Variants in IL13RA1 observed in about 807,000 individuals in gnomAD.
IL13RA1 encodes interleukin-13 receptor subunit alpha-1.
Under a neutral mutation model 33.8 loss-of-function variants are expected in IL13RA1, and 14 were observed. The ratio of observed to expected loss-of-function variants is 0.41; its 90% CI spans 0.27 to 0.65. The LOEUF (loss-of-function observed/expected upper bound fraction) is 0.65. IL13RA1 is among the 30% of genes least tolerant of loss of function. The pLI, the probability that IL13RA1 is intolerant of heterozygous loss-of-function variation, is 0.28. For missense variants in IL13RA1, 313 were observed against 327.0 expected (o/e 0.96, Z 0.33); for synonymous variants, 116 against 115.7 (o/e 1.00, Z -0.02).
intron 8 of IL13RA1, among the ~76,000 whole-genome samples, chrX:118,773,336 C>G (rs1223072187): frequency 3.6e-5 from 4 of 111,433 alleles, no homozygotes; most frequent in African/African-American, 1.3e-4. Flanking sequence ...ACTAAAAATA[C>G]AAAAATTAAC....
At chrX:118,762,665 G>A (rs2017602100) in intron 6 of IL13RA1, among the ~76,000 whole-genome samples, 1 of 111,362 alleles carries the variant, frequency 9.0e-6, no homozygotes, top group Admixed American at 9.6e-5. Flanking sequence ...CAGAAATTAA[G>A]TGCCCCATGA....
chrX:118,734,276 CAG>C (rs1026753919), intron 1 of IL13RA1, among the ~76,000 whole-genome samples: 1 of 112,075 alleles, frequency 8.9e-6, no homozygotes, highest in African/African-American at 3.2e-5. Context: ...CATCTACAAA[CAG>C]AGATAATTTT....
chrX:118,757,321 C>G (rs1396919856), intron 4 of IL13RA1, among the ~76,000 whole-genome samples: 1 of 110,373 alleles, frequency 9.1e-6, no homozygotes, highest in Non-Finnish European at 1.9e-5. Flanking sequence ...CACTTGTGGT[C>G]AGGAGTTCGA....
chrX:118,757,325 A>G (rs906021462), intron 4 of IL13RA1, among the ~76,000 whole-genome samples: 22 of 110,479 alleles, frequency 2.0e-4, no homozygotes, highest in African/African-American at 7.3e-4. Context: ...TGTGGTCAGG[A>G]GTTCGAGACC....
chrX:118,727,703 G>A lies in IL13RA1; in HGVS notation c.65G>A (p.Gly22Glu). 1.1e-6 allele frequency: 1 copy of A among 895,916 alleles called. No individual in the cohort carries two copies. Among genetic ancestry groups the A allele is most frequent in the Non-Finnish European group, 1.4e-6 (1 of 723,616 alleles). 73.8% of individuals were successfully genotyped at this position (895,916 alleles called of 1,213,427 possible). The stretch of plus-strand genomic sequence containing the variant: ...CTGCTCTGCGCCGGCGGCGGGGGCG[G>A]GGGCGGGGGCGCCGCGCCTACGGGT... ...ALLLCAGGGGGGGGAAPTETQ... is the reference protein window; with the variant it reads ...ALLLCAGGGGEGGGAAPTETQ... Residue 22 changes from glycine to glutamate, a missense_variant, in exon 1 of 11, where the codon GGG (glycine) becomes GAG (glutamate). Physicochemically the swap from Gly to Glu is moderately conservative, Grantham distance 98. Transcript: ENST00000371666.
intron 4 of IL13RA1, among the ~76,000 whole-genome samples, chrX:118,755,720 T>A (rs1351871601): frequency 8.9e-6 from 1 of 112,240 alleles, no homozygotes; most frequent in Non-Finnish European, 1.9e-5. Flanking sequence ...GTTCCTTTCA[T>A]CATTAAAAAC....
At position 118,773,911 on chromosome X, in the gene IL13RA1, A is replaced by G. The variant is rs1033694191; in HGVS notation, c.1042A>G (p.Met348Val). Reference sequence around the variant, plus strand: ...GCGCAATTCCACACTCTACATAACCATGTTACTCATTGTTCCAGTCATCGT... The same window carrying G: ...GCGCAATTCCACACTCTACATAACCGTGTTACTCATTGTTCCAGTCATCGT... ...KKRNSTLYITMLLIVPVIVAG... is the reference protein window; with the variant it reads ...KKRNSTLYITVLLIVPVIVAG... Residue 348 changes from methionine (M) to valine (V), a missense_variant, in exon 9 of 11, where the codon ATG (methionine) becomes GTG (valine). Physicochemically the swap from Met to Val is conservative, Grantham distance 21. Coordinates refer to ENST00000371666, the MANE Select transcript of IL13RA1 (RefSeq NM_001560.3). The G allele has an allele frequency of 2.5e-5, 27 of 1,077,761 alleles. No homozygotes were observed. The highest frequency in any genetic ancestry group is 3.7e-5 in the African/African-American group (2 of 54,515). The allele number at this position is 1,077,761 out of a possible 1,213,427, so 88.8% of individuals were successfully genotyped here.
chrX:118,749,760 A>G lies in IL13RA1; in HGVS notation c.470A>G (p.Asn157Ser), dbSNP rs763850965. ...LPGRNTSPDT[N>S]YTLYYWHRSL... The stretch of plus-strand genomic sequence containing the variant: ...GGAAGGAATACCAGTCCCGACACTA[A>G]CTATACTCTCTACTATTGGTGAGTA... Residue 157 changes from asparagine (N) to serine (S), a missense_variant, in exon 4 of 11, where the codon AAC becomes AGC. By Grantham distance (46) the Asn-to-Ser change is conservative (BLOSUM62 1). Transcript: ENST00000371666. 1 of 1,160,239 alleles carries G rather than the reference A, an allele frequency of 8.6e-7. No individual in the cohort carries two copies. The highest frequency in any genetic ancestry group is 1.2e-6 in the Non-Finnish European group (1 of 848,739).
chrX:118,797,111 G>T (rs2018036602), downstream of IL13RA1, among the ~76,000 whole-genome samples: 1 of 111,957 alleles, frequency 8.9e-6, no homozygotes, highest in Non-Finnish European at 1.9e-5. Context: ...ACTCCTAATG[G>T]TGACCATAGG....
At chrX:118,771,165 C>G (rs959487281) in intron 8 of IL13RA1, among the ~76,000 whole-genome samples, 4 of 112,013 alleles carry the variant, frequency 3.6e-5, no homozygotes, top group African/African-American at 1.3e-4. Flanking sequence ...TATAGAGACT[C>G]ATTTTCAACC....
At chrX:118,784,108 T>TATATATATATATAC (rs1471180706) in intron 10 of IL13RA1, among the ~76,000 whole-genome samples, 4 of 47,050 alleles carry the variant, frequency 8.5e-5, no homozygotes, top group Admixed American at 4.4e-4. Flanking sequence ...TATATATATA[T>TATATATATATATAC]ACGTATATAT....
intron 1 of IL13RA1, among the ~76,000 whole-genome samples, chrX:118,738,980 G>GT (rs1234525209): frequency 1.8e-5 from 2 of 109,689 alleles, no homozygotes; most frequent in African/African-American, 6.6e-5. Context: ...TAGAGACGGT[G>GT]TTTCGTTATG....
chrX:118,758,673 G>T (rs1269748364), intron 5 of IL13RA1, among the ~76,000 whole-genome samples: 1 of 111,868 alleles, frequency 8.9e-6, no homozygotes, highest in Non-Finnish European at 1.9e-5. Flanking sequence ...CTTCTTGTTT[G>T]TGGGGACTTT....
intron 10 of IL13RA1, among the ~76,000 whole-genome samples, chrX:118,784,113 A>G (rs1225443392): frequency 4.8e-5 from 1 of 20,902 alleles, no homozygotes; most frequent in African/African-American, 1.7e-4. Context: ...ATATATACGT[A>G]TATATGTATA....
intron 1 of IL13RA1, among the ~76,000 whole-genome samples, chrX:118,735,510 C>T (rs537539556): frequency 3.6e-5 from 4 of 111,875 alleles, no homozygotes; most frequent in Middle Eastern, 4.6e-3. Context: ...TTTATATTTA[C>T]GCCTTTCATC....
At position 118,791,815 on chromosome X, in the gene IL13RA1, T is replaced by C; in HGVS notation, c.1245T>C (p.Ser415=). The change falls in exon 11 of 11, where the codon TCT becomes TCC. Residue 415 remains serine, a synonymous_variant. Transcript: ENST00000371666. ...YEKQTKEETD[S]VVLIENLKKA... ...AGCAAACCAAGGAGGAAACCGACTC[T>C]GTAGTGCTGATAGAAAACCTGAAGA... 9.3e-7 allele frequency: 1 copy of C among 1,074,492 alleles called. No homozygotes were observed. Among genetic ancestry groups the C allele is most frequent in the Non-Finnish European group, 1.3e-6 (1 of 772,761 alleles). The allele number at this position is 1,074,492 out of a possible 1,213,427, so 88.6% of individuals were successfully genotyped here.
intron 1 of IL13RA1, among the ~76,000 whole-genome samples, chrX:118,735,795 G>C (rs1204395215): frequency 8.9e-6 from 1 of 111,879 alleles, no homozygotes; most frequent in Non-Finnish European, 1.9e-5. Flanking sequence ...CAATCTGCCT[G>C]CCTTGGCCTC....
chrX:118,803,962 C>T, the IL13RA1 span, among the ~76,000 whole-genome samples: 25 of 62,132 alleles, frequency 4.0e-4, no homozygotes, highest in Middle Eastern at 0.016. Flanking sequence ...TTCTTTCTTT[C>T]TTTTTTTTTT....
At chrX:118,728,783 A>G (rs1483856756) in intron 1 of IL13RA1, among the ~76,000 whole-genome samples, 1 of 111,571 alleles carries the variant, frequency 9.0e-6, no homozygotes, top group Non-Finnish European at 1.9e-5. Context: ...AGTGAGCAAA[A>G]CAGATGAGGT....
Sources: allele counts gnomAD v4.1 joint callset (sites outside exome capture counted in the v4.1 genomes callset), GRCh38; gene constraint gnomAD v4.1.1; transcripts MANE v1.5; gene names NCBI Gene and HGNC (gene_info 2026-07-23, HGNC 2026-07-21).